The following GALNT10 variants were observed in gnomAD, a reference collection of about 807,000 sequenced individuals.
GALNT10 encodes GalNAc transferase 10.
GALNT10 carries 41 observed loss-of-function variants against 75.0 expected under a neutral mutation model. That is an observed-to-expected ratio of 0.55 (90% CI 0.43 to 0.71). The LOEUF (loss-of-function observed/expected upper bound fraction) is 0.71, where lower values mean the gene tolerates loss of function less well. Ranked by LOEUF, GALNT10 falls within the 30% of genes least tolerant of loss-of-function variation. The probability of loss-of-function intolerance (pLI) is 0.00; values close to 1 mark genes in which losing one functional copy is unlikely to be tolerated. For synonymous variants in GALNT10, 302 were observed against 313.0 expected (o/e 0.96, Z 0.37); for missense variants, 727 against 818.5 (o/e 0.89, Z 1.36).
intron 7 of GALNT10, among the ~76,000 whole-genome samples, chr5:154,397,777 G>A (rs1756078545): frequency 6.6e-6 from 1 of 152,208 alleles, no homozygotes; most frequent in Admixed American, 6.5e-5. Context: ...TGGGCAGGTC[G>A]GGTGCCGTGC....
At chr5:154,259,120 A>T (rs531293) in intron 1 of GALNT10, among the ~76,000 whole-genome samples, 36,993 of 151,682 alleles carry the variant, frequency 0.24, 5,468 homozygotes, top group African/African-American at 0.42. Flanking sequence ...TGCCTTTTTT[A>T]TTTCTTTTTC....
At chr5:154,281,832 G>A (rs1240955705) in intron 1 of GALNT10, among the ~76,000 whole-genome samples, 1 of 152,144 alleles carries the variant, frequency 6.6e-6, no homozygotes, top group African/African-American at 2.4e-5. Context: ...CCTTCTGATG[G>A]CTTCAGCCAT....
chr5:154,229,098 G>A (rs145120596), intron 1 of GALNT10, among the ~76,000 whole-genome samples: 95 of 152,286 alleles, frequency 6.2e-4, no homozygotes, highest in African/African-American at 2.2e-3. Flanking sequence ...GGGATTGATT[G>A]CATTTTTGTT....
intron 4 of GALNT10, among the ~76,000 whole-genome samples, chr5:154,366,159 C>T (rs1403302313): frequency 6.6e-6 from 1 of 152,226 alleles, no homozygotes; most frequent in Admixed American, 6.5e-5. Flanking sequence ...CAATATATGG[C>T]ACTTACAAGT....
At chr5:154,340,606 G>T (rs1193600328) in intron 4 of GALNT10, among the ~76,000 whole-genome samples, 1 of 152,054 alleles carries the variant, frequency 6.6e-6, no homozygotes, top group Non-Finnish European at 1.5e-5. Flanking sequence ...AAGCACGTTG[G>T]CCAAAAAGTA....
intron 4 of GALNT10, among the ~76,000 whole-genome samples, chr5:154,336,234 A>G (rs1297910699): frequency 6.6e-6 from 1 of 152,190 alleles, no homozygotes; most frequent in Non-Finnish European, 1.5e-5. Context: ...CCATTCACCT[A>G]CTGAAGGACA....
chr5:154,247,207 C>T (rs1483676089), intron 1 of GALNT10, among the ~76,000 whole-genome samples: 2 of 152,210 alleles, frequency 1.3e-5, no homozygotes, highest in Non-Finnish European at 2.9e-5. Flanking sequence ...GTTTTGGTTA[C>T]TGTAGCCTTG....
chr5:154,373,467 T>G (rs1755605688), intron 4 of GALNT10, among the ~76,000 whole-genome samples: 1 of 152,208 alleles, frequency 6.6e-6, no homozygotes, highest in Non-Finnish European at 1.5e-5. Flanking sequence ...ATTTATAAAC[T>G]ATGTTCCTTG....
At chr5:154,366,035 T>C (rs1417646671) in intron 4 of GALNT10, among the ~76,000 whole-genome samples, 1 of 152,230 alleles carries the variant, frequency 6.6e-6, no homozygotes, top group Admixed American at 6.5e-5. Context: ...CTCGTTTTGG[T>C]TGGAACTCCA....
intron 4 of GALNT10, among the ~76,000 whole-genome samples, chr5:154,370,494 T>C (rs551917923): frequency 1.3e-5 from 2 of 152,234 alleles, no homozygotes; most frequent in African/African-American, 4.8e-5. Flanking sequence ...GAGCAGGAGT[T>C]AACTGGGAGG....
intron 4 of GALNT10, among the ~76,000 whole-genome samples, chr5:154,366,201 T>C (rs1415587071): frequency 6.6e-6 from 1 of 152,274 alleles, no homozygotes; most frequent in Non-Finnish European, 1.5e-5. Context: ...TGTCTTCTTG[T>C]AGTCAGCCTA....
Position 154,404,234 on chromosome 5 carries a change from C to A in GALNT10, c.1164+23C>A, listed in dbSNP as rs187522537. The A allele has an allele frequency of 3.4e-6, 5 of 1,479,326 alleles. No homozygotes were observed. The Admixed American group carries it at 5.5e-5, about 16-fold the overall frequency. 91.6% of individuals were successfully genotyped at this position (1,479,326 alleles called of 1,614,324 possible). On this transcript the variant is annotated intron_variant, in intron 8 of 11. Transcript: ENST00000297107. ...CGGGTAAGGTGGTGGCTTTCCTTGG[C>A]GGGTAGAAGGGGTTGGCCTAGGACC...
intron 1 of GALNT10, among the ~76,000 whole-genome samples, chr5:154,220,730 T>G (rs1752964752): frequency 1.3e-5 from 2 of 151,044 alleles, no homozygotes; most frequent in Non-Finnish European, 3.0e-5. Flanking sequence ...TGTCACAGAA[T>G]GTCCTGGGTG....
intron 6 of GALNT10, among the ~76,000 whole-genome samples, chr5:154,381,770 C>T (rs1382726864): frequency 3.3e-5 from 5 of 152,236 alleles, no homozygotes; most frequent in African/African-American, 1.2e-4. Context: ...AGGATAGAAT[C>T]TTCAGATCTC....
intron 3 of GALNT10, among the ~76,000 whole-genome samples, chr5:154,325,733 G>A (rs1754747213): frequency 6.6e-6 from 1 of 151,692 alleles, no homozygotes; most frequent in African/African-American, 2.4e-5. Flanking sequence ...AGCTGATAAA[G>A]TGCATCTGTG....
intron 1 of GALNT10, among the ~76,000 whole-genome samples, chr5:154,192,941 C>T (rs1774881744): frequency 6.6e-6 from 1 of 152,140 alleles, no homozygotes; most frequent in Non-Finnish European, 1.5e-5. Context: ...TTGGCCTGAG[C>T]TTTCAAAGTA....
At chr5:154,357,388 A>G (rs1441693405) in intron 4 of GALNT10, among the ~76,000 whole-genome samples, 1 of 152,188 alleles carries the variant, frequency 6.6e-6, no homozygotes, top group Non-Finnish European at 1.5e-5. Context: ...AAATGTTAAT[A>G]GTGGTCTGGG....
chr5:154,238,060 G>C (rs1359118489), intron 1 of GALNT10, among the ~76,000 whole-genome samples: 2 of 152,168 alleles, frequency 1.3e-5, no homozygotes, highest in Non-Finnish European at 2.9e-5. Flanking sequence ...TGGGTACCAG[G>C]GTTGTGGAGT....
At chr5:154,198,129 G>C (rs553191808) in intron 1 of GALNT10, among the ~76,000 whole-genome samples, 1 of 152,308 alleles carries the variant, frequency 6.6e-6, no homozygotes, top group African/African-American at 2.4e-5. Context: ...GCCTCCTCCT[G>C]TCTCCGTTCC....
Sources: allele counts gnomAD v4.1 joint callset (sites outside exome capture counted in the v4.1 genomes callset), GRCh38; gene constraint gnomAD v4.1.1; transcripts MANE v1.5; gene names NCBI Gene and HGNC (gene_info 2026-07-23, HGNC 2026-07-21).